SPOP: variants seen among roughly 807,000 people sequenced by gnomAD.
SPOP encodes the protein speckle type BTB/POZ protein, also known as speckle-type POZ protein.
Under a neutral mutation model 45.6 loss-of-function variants are expected in SPOP, and 11 were observed. The observed-to-expected ratio is 0.24, with a 90% CI of 0.15 to 0.40. The LOEUF is 0.40. Ranked by LOEUF, SPOP falls within the 10% of genes least tolerant of loss-of-function variation. The probability of loss-of-function intolerance (pLI) is 1.00; values close to 1 mark genes in which losing one functional copy is unlikely to be tolerated. For missense variants in SPOP, 152 were observed against 465.6 expected (o/e 0.33, Z 6.20); for synonymous variants, 166 against 166.3 (o/e 1.00, Z 0.01).
At chr17:49,665,245 A>AT (rs2073037698) in intron 1 of SPOP, among the ~76,000 whole-genome samples, 1 of 152,040 alleles carries the variant, frequency 6.6e-6, no homozygotes, top group African/African-American at 2.4e-5. Flanking sequence ...GGAAGGTGTA[A>AT]TTTTTCTTTT....
intron 1 of SPOP, among the ~76,000 whole-genome samples, chr17:49,629,652 T>C (rs375722015): frequency 1.3e-5 from 2 of 152,192 alleles, no homozygotes; most frequent in African/African-American, 2.4e-5. Flanking sequence ...ATAGTTTATT[T>C]TGCAGTATTT....
intron 1 of SPOP, among the ~76,000 whole-genome samples, chr17:49,648,328 C>T (rs1256617750): frequency 6.6e-6 from 1 of 152,204 alleles, no homozygotes; most frequent in Non-Finnish European, 1.5e-5. Context: ...CCTATAAGAG[C>T]TGGCCCATTA....
intron 1 of SPOP, among the ~76,000 whole-genome samples, chr17:49,665,649 G>GACACACACACACACACACACACACAC (rs71352530): frequency 2.0e-4 from 25 of 126,784 alleles, no homozygotes; most frequent in South Asian, 8.2e-4. Context: ...TATATATACA[G>GACACACACACACACACACACACACAC]ACACACACAC....
intron 8 of SPOP, among the ~76,000 whole-genome samples, chr17:49,603,772 A>G (rs2071783366): frequency 6.6e-6 from 1 of 152,268 alleles, no homozygotes; most frequent in South Asian, 2.1e-4. Flanking sequence ...ATGGAATTTG[A>G]AAATACACCC....
chr17:49,673,582 C>CTT (rs1372960585), intron 1 of SPOP, among the ~76,000 whole-genome samples: 1 of 152,116 alleles, frequency 6.6e-6, no homozygotes, highest in Non-Finnish European at 1.5e-5. Context: ...ACTGTTGAAT[C>CTT]TAAGTGATGG....
rs569171942 is a variant in SPOP at position 49,642,593 on chromosome 17, T to A, written c.-66-19717A>T. On this transcript the variant is annotated intron_variant, in intron 1 of 9. Transcript: ENST00000504102. ...AAATATCTCAAGAGGGTAACTACAGTTAGAAAAATAATGGTTTTTTACTTA... is the reference window on the plus strand; with the variant it reads ...AAATATCTCAAGAGGGTAACTACAGATAGAAAAATAATGGTTTTTTACTTA... Among the ~76,000 whole-genome samples, 8 of 152,264 alleles carry A rather than the reference T, an allele frequency of 5.3e-5. No homozygotes were observed. In the South Asian group the frequency reaches 1.7e-3, roughly 32 times the overall value.
intron 6 of SPOP, among the ~76,000 whole-genome samples, chr17:49,610,364 G>A (rs529666942): frequency 2.0e-5 from 3 of 152,186 alleles, no homozygotes; most frequent in South Asian, 2.1e-4. Context: ...TATTACAGGC[G>A]CATGCCACGA....
At chr17:49,611,523 C>T (rs570820322) in intron 5 of SPOP, 66 bp from the exon 6 acceptor site, 23 of 687,084 alleles carry the variant, frequency 3.3e-5, no homozygotes, top group African/African-American at 2.9e-4. Flanking sequence ...AGCAGATAGA[C>T]GACTTTTACC....
At position 49,605,406 on chromosome 17, in the gene SPOP, T is replaced by C. The variant is rs1303471744; in HGVS notation, c.837+1844A>G. On this transcript the variant is annotated intron_variant, in intron 8 of 9. Coordinates refer to ENST00000504102, the MANE Select transcript of SPOP (RefSeq NM_001007228.2). Reference sequence around the variant, plus strand: ...AAGTCACTTATATAAATTGACAGTATTGGCCAGCCATGGTGGCTCACACCC... The same window carrying C: ...AAGTCACTTATATAAATTGACAGTACTGGCCAGCCATGGTGGCTCACACCC... 2.6e-5 allele frequency among the ~76,000 whole-genome samples: 4 copies of C among 152,178 alleles called. No homozygotes were observed. The East Asian group carries it at 7.7e-4, about 29-fold the overall frequency.
At chr17:49,607,788 T>C (rs2071882698) in intron 7 of SPOP, 86 bp downstream of exon 7, 1 of 1,315,540 alleles carries the variant, frequency 7.6e-7, no homozygotes, top group African/African-American at 1.5e-5. Flanking sequence ...AAAAAGTAAT[T>C]AGGAAAATGA....
chr17:49,665,386 G>T (rs146269499), intron 1 of SPOP, among the ~76,000 whole-genome samples: 1 of 151,940 alleles, frequency 6.6e-6, no homozygotes, highest in African/African-American at 2.4e-5. Flanking sequence ...AGGCCAAGGC[G>T]GGCGGATCAT....
At chr17:49,622,121 A>C (rs796405183) in intron 2 of SPOP, 54 bp from the exon 3 acceptor site, 5 of 1,596,758 alleles carry the variant, frequency 3.1e-6, no homozygotes, top group Non-Finnish European at 4.3e-6. Context: ...ACCTGAAAAA[A>C]CAGGATGAAG....
intron 1 of SPOP, among the ~76,000 whole-genome samples, chr17:49,623,293 C>A (rs1349399740): frequency 1.3e-5 from 2 of 152,126 alleles, no homozygotes; most frequent in Admixed American, 6.5e-5. Context: ...CAGGCGTGAG[C>A]CACCGCACCC....
intron 1 of SPOP, among the ~76,000 whole-genome samples, chr17:49,623,352 G>A (rs747338277): frequency 1.3e-5 from 2 of 152,160 alleles, no homozygotes; most frequent in African/African-American, 2.4e-5. Context: ...ACTATCTAAT[G>A]TAAAGTAGTC....
chr17:49,601,519 A>G (rs1478350933), intron 9 of SPOP: 2 of 168,498 alleles, frequency 1.2e-5, no homozygotes, highest in Non-Finnish European at 2.6e-5. Flanking sequence ...CATTTTACTA[A>G]CTCATAAACA....
intron 1 of SPOP, among the ~76,000 whole-genome samples, chr17:49,624,321 GCGCGCGCGCGCACA>G (rs2072280896): frequency 1.1e-5 from 1 of 90,162 alleles, no homozygotes; most frequent in Non-Finnish European, 2.3e-5. Context: ...ACACACACAC[GCGCGCGCGCGCACA>G]CACACACACA....
chr17:49,676,884 G>A (rs376915495), intron 1 of SPOP, among the ~76,000 whole-genome samples: 1 of 152,152 alleles, frequency 6.6e-6, no homozygotes, highest in Non-Finnish European at 1.5e-5. Context: ...ATCTGCCAAC[G>A]TGAAAGAAAC....
intron 1 of SPOP, among the ~76,000 whole-genome samples, chr17:49,630,016 C>CT (rs2143362358): frequency 6.6e-6 from 1 of 152,228 alleles, no homozygotes; most frequent in East Asian, 1.9e-4. Context: ...TGGGAACAGA[C>CT]CAGAGAATGG....
At chr17:49,673,324 T>C (rs899762038) in intron 1 of SPOP, among the ~76,000 whole-genome samples, 3 of 151,930 alleles carry the variant, frequency 2.0e-5, no homozygotes, top group Non-Finnish European at 4.4e-5. Context: ...GCTAACATGG[T>C]GAAACACCAT....
Sources: gnomAD v4.1 joint callset for allele counts (sites outside exome capture counted in the v4.1 genomes callset) on GRCh38, gnomAD v4.1.1 for gene constraint, MANE v1.5 for transcripts, NCBI Gene and HGNC (gene_info 2026-07-23, HGNC 2026-07-21) for gene names.